WASF3: variants seen among roughly 807,000 people sequenced by gnomAD.
The protein encoded by WASF3 is WASP family member 3.
In WASF3, 11 loss-of-function variants were observed where a neutral mutation model predicts 46.6. The ratio of observed to expected loss-of-function variants is 0.24; its 90% CI spans 0.15 to 0.39. The LOEUF (loss-of-function observed/expected upper bound fraction) is 0.39, where lower values mean the gene tolerates loss of function less well. Among genes scored for constraint, WASF3 ranks in the 10% least tolerant of loss-of-function variants. The probability of loss-of-function intolerance (pLI) is 1.00; values close to 1 mark genes in which losing one functional copy is unlikely to be tolerated. For synonymous variants in WASF3, 242 were observed against 259.7 expected (o/e 0.93, Z 0.65); for missense variants, 576 against 669.8 (o/e 0.86, Z 1.55).
At chr13:26,539,595 G>A in the WASF3 span, among the ~76,000 whole-genome samples, 2 of 151,792 alleles carry the variant, frequency 1.3e-5, no homozygotes, top group Admixed American at 1.3e-4. Flanking sequence ...AAAAAAAATT[G>A]TCCCAGGTGA....
chr13:26,588,702 C>G (rs1880202855), intron 1 of WASF3, among the ~76,000 whole-genome samples: 1 of 152,160 alleles, frequency 6.6e-6, no homozygotes, highest in South Asian at 2.1e-4. Flanking sequence ...TGTCCCTCCC[C>G]ATCCTGGCCA....
At chr13:26,545,556 C>A in the WASF3 span, among the ~76,000 whole-genome samples, 7 of 152,038 alleles carry the variant, frequency 4.6e-5, no homozygotes, top group African/African-American at 1.4e-4. Context: ...TAAAAAAAAT[C>A]TATTTTAGTC....
chr13:26,607,714 C>G (rs1279220170), intron 1 of WASF3, among the ~76,000 whole-genome samples: 3 of 152,008 alleles, frequency 2.0e-5, no homozygotes, highest in Non-Finnish European at 4.4e-5. Flanking sequence ...TCACTCACTG[C>G]AGTGTCAGCC....
At chr13:26,549,693 C>T in the WASF3 span, among the ~76,000 whole-genome samples, 46,792 of 151,964 alleles carry the variant, frequency 0.31, 7,543 homozygotes, top group East Asian at 0.55. Context: ...AAGGGCTTTC[C>T]TAAGAAAAAA....
intron 1 of WASF3, among the ~76,000 whole-genome samples, chr13:26,598,508 A>G (rs1280438487): frequency 6.6e-6 from 1 of 152,192 alleles, no homozygotes; most frequent in Non-Finnish European, 1.5e-5. Context: ...AGAAAGACTG[A>G]GGAATATCTA....
At chr13:26,667,451 G>A in intron 4 of WASF3, 66 bp from the exon 5 acceptor site, 1 of 1,402,554 alleles carries the variant, frequency 7.1e-7, no homozygotes, top group Non-Finnish European at 9.7e-7. Context: ...GAGTCAAATG[G>A]TATTTACTTC....
At chr13:26,578,663 C>T (rs1879875044) in intron 1 of WASF3, among the ~76,000 whole-genome samples, 1 of 152,162 alleles carries the variant, frequency 6.6e-6, no homozygotes, top group South Asian at 2.1e-4. Flanking sequence ...CTCCCTCTCC[C>T]TCCTGCTCCT....
At chr13:26,585,692 G>A (rs1880108593) in intron 1 of WASF3, among the ~76,000 whole-genome samples, 1 of 151,962 alleles carries the variant, frequency 6.6e-6, no homozygotes, top group Admixed American at 6.5e-5. Flanking sequence ...GAACCTGCAT[G>A]TTGATGGTAA....
the WASF3 span, among the ~76,000 whole-genome samples, chr13:26,542,591 A>T: frequency 0.073 from 11,156 of 152,320 alleles, 491 homozygotes; most frequent in Non-Finnish European, 0.099. Context: ...AGAGAGCCAC[A>T]GAATCTTAAT....
intron 1 of WASF3, among the ~76,000 whole-genome samples, chr13:26,581,172 T>A (rs1314485089): frequency 6.6e-6 from 1 of 152,124 alleles, no homozygotes; most frequent in Non-Finnish European, 1.5e-5. Flanking sequence ...GCTCAAGTGA[T>A]CTGCCTGTCT....
intron 7 of WASF3, among the ~76,000 whole-genome samples, chr13:26,677,832 A>G (rs757674322): frequency 2.0e-5 from 3 of 152,236 alleles, no homozygotes; most frequent in Non-Finnish European, 4.4e-5. Context: ...AATAGCTCCC[A>G]TGATGTCAAT....
chr13:26,590,655 T>C (rs1336592379), intron 1 of WASF3, among the ~76,000 whole-genome samples: 4 of 152,228 alleles, frequency 2.6e-5, no homozygotes, highest in African/African-American at 7.2e-5. Flanking sequence ...GCTAAGCTAA[T>C]ATTTCTCTGC....
chr13:26,682,959 G>A lies in WASF3; in HGVS notation c.1336G>A (p.Ala446Thr), dbSNP rs764496907. Residue 446 changes from alanine to threonine, a missense_variant, in exon 9 of 10, where the codon GCT (alanine) becomes ACT (threonine). Transcript: ENST00000335327. The surrounding 1 kb of genome is among the most constrained non-coding windows in gnomAD (Gnocchi z 4.4). ...CAGTGATGCTCGAAGCGACCTCCTC[G>A]CTGCTATTCGAATGGGTAAGTGGAG... ...PISDARSDLLAAIRMGIQLKK... is the reference protein window; with the variant it reads ...PISDARSDLLTAIRMGIQLKK... 1.1e-5 allele frequency: 18 copies of A among 1,604,004 alleles called. 1 individual carries two copies. The South Asian group carries it at 1.4e-4, about 13-fold the overall frequency.
chr13:26,681,052 A>T lies in WASF3; in HGVS notation c.717-2A>T. ...CTCCCACCTCTTGTTTTCAAATGCC[A>T]GGTCACATGCATCGGACGTTACGGA... On this transcript the variant is annotated splice_acceptor_variant, in intron 7 of 9. Transcript: ENST00000335327. LOFTEE classifies it high-confidence loss of function. The T allele has an allele frequency of 1.3e-6, 2 of 1,590,238 alleles. No individual in the cohort carries two copies. The highest frequency in any genetic ancestry group is 1.7e-6 in the Non-Finnish European group (2 of 1,163,150).
intron 1 of WASF3, among the ~76,000 whole-genome samples, chr13:26,596,344 A>C (rs551397580): frequency 6.8e-6 from 1 of 147,258 alleles, no homozygotes; most frequent in African/African-American, 2.5e-5. Flanking sequence ...TTTTTTTTTT[A>C]AAAAAAGCTA....
chr13:26,620,738 A>T (rs1881280428), intron 2 of WASF3: 1 of 152,224 alleles, frequency 6.6e-6, no homozygotes, highest in South Asian at 2.1e-4. Context: ...ACCCTGGTGG[A>T]GAGAAATCTT....
At chr13:26,576,800 T>G in intron 1 of WASF3, 1 of 410,882 alleles carries the variant, frequency 2.4e-6, no homozygotes, top group Non-Finnish European at 4.3e-6. Context: ...TTCTATGTAT[T>G]CTTTACCCAG....
intron 1 of WASF3, among the ~76,000 whole-genome samples, chr13:26,567,825 G>A (rs1566037110): frequency 1.3e-5 from 2 of 151,650 alleles, no homozygotes; most frequent in South Asian, 2.1e-4. Flanking sequence ...ACGTGTGTGT[G>A]TATATATATA....
intron 2 of WASF3, among the ~76,000 whole-genome samples, chr13:26,633,200 C>CCT (rs71188737): frequency 2.2e-5 from 2 of 90,420 alleles, no homozygotes; most frequent in East Asian, 5.8e-4. Context: ...TTAGTTATTT[C>CCT]TTTTTTTTTT....
Sources: gnomAD v4.1 joint callset for allele counts (sites outside exome capture counted in the v4.1 genomes callset) on GRCh38, gnomAD v4.1.1 for gene constraint, Gnocchi (gnomAD v3.1) non-coding constraint, MANE v1.5 for transcripts, NCBI Gene and HGNC (gene_info 2026-07-23, HGNC 2026-07-21) for gene names.